GRIN2B: variants seen among roughly 807,000 people sequenced by gnomAD.
GRIN2B encodes the protein glutamate ionotropic receptor NMDA type subunit 2B.
Under a neutral mutation model 114.5 loss-of-function variants are expected in GRIN2B, and 5 were observed. That is an observed-to-expected ratio of 0.04 (90% confidence interval 0.02 to 0.09). The LOEUF (loss-of-function observed/expected upper bound fraction) is 0.09, where lower values mean the gene tolerates loss of function less well. GRIN2B is among the 10% of genes least tolerant of loss of function. The pLI, the probability that GRIN2B is intolerant of heterozygous loss-of-function variation, is 1.00. For synonymous variants in GRIN2B, 787 were observed against 745.1 expected (o/e 1.06, Z -0.92); for missense variants, 1,108 against 1,943.5 (o/e 0.57, Z 8.08).
chr12:13,958,729 C>T (rs1867638489), intron 2 of GRIN2B, among the ~76,000 whole-genome samples: 1 of 152,122 alleles, frequency 6.6e-6, no homozygotes, highest in Non-Finnish European at 1.5e-5. Context: ...CCATGTTCTC[C>T]TTCTCCTCTT....
At chr12:13,608,091 A>C (rs1021259901) in intron 10 of GRIN2B, among the ~76,000 whole-genome samples, 2 of 152,154 alleles carry the variant, frequency 1.3e-5, no homozygotes, top group Non-Finnish European at 2.9e-5. Flanking sequence ...CAATCATCCA[A>C]ATCATCCAGT....
chr12:13,619,236 G>A (rs1334850072), intron 5 of GRIN2B, among the ~76,000 whole-genome samples: 1 of 152,184 alleles, frequency 6.6e-6, no homozygotes, highest in Non-Finnish European at 1.5e-5. Flanking sequence ...AAATGTAACA[G>A]TATTTGTACT....
intron 3 of GRIN2B, among the ~76,000 whole-genome samples, chr12:13,837,516 G>A (rs1865295349): frequency 6.6e-6 from 1 of 152,210 alleles, no homozygotes; most frequent in South Asian, 2.1e-4. Context: ...AGAGTGTTTA[G>A]TGAGGTAAGG....
At chr12:13,583,843 C>T (rs533322233) in intron 10 of GRIN2B, among the ~76,000 whole-genome samples, 5 of 152,124 alleles carry the variant, frequency 3.3e-5, no homozygotes, top group East Asian at 1.9e-4. Flanking sequence ...TGGAGCACAC[C>T]GAATGGTCAG....
At chr12:13,714,691 G>A (rs1950440622) in intron 4 of GRIN2B, among the ~76,000 whole-genome samples, 1 of 151,784 alleles carries the variant, frequency 6.6e-6, no homozygotes, top group Non-Finnish European at 1.5e-5. Flanking sequence ...AGCCTGAGAA[G>A]GTCAAATGTT....
At chr12:13,757,182 T>C (rs1351002384) in intron 3 of GRIN2B, among the ~76,000 whole-genome samples, 3 of 152,212 alleles carry the variant, frequency 2.0e-5, no homozygotes, top group Non-Finnish European at 4.4e-5. Context: ...CAAAGGAGGC[T>C]AATGAAGCCA....
intron 3 of GRIN2B, among the ~76,000 whole-genome samples, chr12:13,809,583 T>C (rs1163052903): frequency 6.6e-6 from 1 of 152,120 alleles, no homozygotes; most frequent in Non-Finnish European, 1.5e-5. Flanking sequence ...AAAGATAGAA[T>C]TCATAAAGTA....
chr12:13,955,703 TG>T (rs1867577262), intron 2 of GRIN2B, among the ~76,000 whole-genome samples: 1 of 152,218 alleles, frequency 6.6e-6, no homozygotes, highest in African/African-American at 2.4e-5. Flanking sequence ...GGCCTATATA[TG>T]GCATACAATA....
chr12:13,671,837 G>A (rs1301703878), intron 5 of GRIN2B, among the ~76,000 whole-genome samples: 1 of 152,140 alleles, frequency 6.6e-6, no homozygotes, highest in African/African-American at 2.4e-5. Context: ...AATTACAGAG[G>A]TGAGCAAGGT....
intron 2 of GRIN2B, among the ~76,000 whole-genome samples, chr12:13,934,646 G>C (rs773400044): frequency 1.3e-5 from 2 of 152,222 alleles, no homozygotes; most frequent in Admixed American, 6.5e-5. Flanking sequence ...ATCACAGACA[G>C]ATGCCCATAA....
At chr12:13,929,524 A>G (rs1424705243) in intron 2 of GRIN2B, among the ~76,000 whole-genome samples, 1 of 152,198 alleles carries the variant, frequency 6.6e-6, no homozygotes, top group Admixed American at 6.5e-5. Context: ...GAAGATTTCC[A>G]TTAGTGCTGG....
intron 10 of GRIN2B, among the ~76,000 whole-genome samples, chr12:13,592,711 C>G (rs1021459380): frequency 6.6e-6 from 1 of 152,152 alleles, no homozygotes; most frequent in Non-Finnish European, 1.5e-5. Context: ...AGCTCTGGTG[C>G]TTTCCTAACC....
At chr12:13,592,683 C>G (rs1264458403) in intron 10 of GRIN2B, among the ~76,000 whole-genome samples, 1 of 152,124 alleles carries the variant, frequency 6.6e-6, no homozygotes, top group East Asian at 1.9e-4. Context: ...TTTATCTATA[C>G]CTGTACTCCA....
intron 5 of GRIN2B, among the ~76,000 whole-genome samples, chr12:13,642,927 G>T (rs935220529): frequency 6.6e-5 from 10 of 152,120 alleles, no homozygotes; most frequent in Non-Finnish European, 1.2e-4. Context: ...ATTATGCTAT[G>T]ATTGCATGGC....
chr12:13,869,499 T>C (rs188681608), intron 2 of GRIN2B, among the ~76,000 whole-genome samples: 15 of 152,296 alleles, frequency 9.8e-5, no homozygotes, highest in Middle Eastern at 3.4e-3. Flanking sequence ...GCTAGTCAAA[T>C]AGTTCAACCT....
chr12:13,858,493 G>A (rs776132073), intron 3 of GRIN2B, among the ~76,000 whole-genome samples: 33 of 152,020 alleles, frequency 2.2e-4, no homozygotes, highest in Non-Finnish European at 4.6e-4. Flanking sequence ...TCAGAAAGGG[G>A]ACTAAAAATA....
At chr12:13,903,174 T>A (rs1866483251) in intron 2 of GRIN2B, among the ~76,000 whole-genome samples, 1 of 152,114 alleles carries the variant, frequency 6.6e-6, no homozygotes, top group Admixed American at 6.5e-5. Context: ...AATGTATAAG[T>A]TTAAAAAAAA....
chr12:13,806,004 C>A (rs1398095030), intron 3 of GRIN2B, among the ~76,000 whole-genome samples: 1 of 152,120 alleles, frequency 6.6e-6, no homozygotes, highest in Non-Finnish European at 1.5e-5. Context: ...ATCTTGCTTA[C>A]TTCACTTAGC....
chr12:13,956,044 A>T (rs1007049339), intron 2 of GRIN2B, among the ~76,000 whole-genome samples: 3 of 152,168 alleles, frequency 2.0e-5, no homozygotes, highest in Non-Finnish European at 4.4e-5. Context: ...TTCCTAGAGG[A>T]GGTGAGGTTG....
Sources: gnomAD v4.1 joint callset for allele counts (sites outside exome capture counted in the v4.1 genomes callset) on GRCh38, gnomAD v4.1.1 for gene constraint, MANE v1.5 for transcripts, NCBI Gene and HGNC (gene_info 2026-07-23, HGNC 2026-07-21) for gene names.